The following ARL13B variants were observed in gnomAD, a reference collection of about 807,000 sequenced individuals.
ARL13B encodes the protein ADP-ribosylation factor-like protein 13B.
ARL13B carries 36 observed loss-of-function variants against 56.1 expected under a neutral mutation model. The observed-to-expected ratio is 0.64, with a 90% CI of 0.49 to 0.85. The LOEUF is 0.85. ARL13B is among the 40% of genes least tolerant of loss of function. ARL13B has a pLI of 0.00. For synonymous variants in ARL13B, 178 were observed against 171.1 expected (o/e 1.04, Z -0.32); for missense variants, 519 against 507.1 (o/e 1.02, Z -0.23).
chr3:94,034,766 T>G (rs1393095082), intron 3 of ARL13B, among the ~76,000 whole-genome samples: 1 of 152,214 alleles, frequency 6.6e-6, no homozygotes, highest in Non-Finnish European at 1.5e-5. Context: ...TTCTGTTTTG[T>G]TGGCATATTG....
At position 94,043,049 on chromosome 3, in the gene ARL13B, A is replaced by G. The variant is rs1576040946; in HGVS notation, c.833A>G (p.Gln278Arg). Residue 278 changes from glutamine to arginine, a missense_variant, in exon 7 of 10, where the codon CAA (glutamine) becomes CGA (arginine). By Grantham distance (43) the Gln-to-Arg change is conservative. Transcript: ENST00000394222. ...AAACTTGAAAGAGAGAAAAAAAACC[A>G]AAAAATGGAGAAAGACAGTGATGGC... ...EGKLEREKKN[Q>R]KMEKDSDGCH... The G allele has an allele frequency of 2.5e-6, 4 of 1,611,126 alleles. No homozygotes were observed. In the Admixed American group the frequency reaches 6.7e-5, roughly 27 times the overall value.
chr3:94,045,784 T>C (rs2107175159), intron 7 of ARL13B, among the ~76,000 whole-genome samples: 1 of 151,316 alleles, frequency 6.6e-6, no homozygotes, highest in East Asian at 2.0e-4. Context: ...ACCCCGTCTC[T>C]ACTAAAAATC....
intron 2 of ARL13B, among the ~76,000 whole-genome samples, chr3:94,001,055 T>C (rs2076047954): frequency 6.6e-6 from 1 of 152,166 alleles, no homozygotes; most frequent in African/African-American, 2.4e-5. Flanking sequence ...TACAAAGACA[T>C]AGTCCCATGT....
chr3:94,025,065 T>G (rs1329466670), intron 3 of ARL13B, among the ~76,000 whole-genome samples: 1 of 152,202 alleles, frequency 6.6e-6, no homozygotes, highest in East Asian at 1.9e-4. Context: ...TTACTGCCAC[T>G]GATTTTGGAA....
chr3:94,036,669 C>G lies in ARL13B; in HGVS notation c.604C>G (p.Gln202Glu). The G allele has an allele frequency of 1.2e-6, 2 of 1,613,656 alleles. No individual in the cohort carries two copies. Among genetic ancestry groups the G allele is most frequent in the Non-Finnish European group, 1.7e-6 (2 of 1,179,922 alleles). ...RDFDALNERIQKETTEQRALE... is the reference protein window; with the variant it reads ...RDFDALNERIEKETTEQRALE... The stretch of plus-strand genomic sequence containing the variant: ...CTTTGATGCCTTAAATGAACGCATC[C>G]AAAAAGAGACAACAGAGCAGCGTGC... Residue 202 changes from glutamine (Q) to glutamate (E), a missense_variant, in exon 5 of 10, where the codon CAA becomes GAA. Gln to Glu is a conservative substitution (Grantham distance 29, BLOSUM62 2). Transcript: ENST00000394222.
Position 94,039,922 on chromosome 3 carries a change from T to C in ARL13B, c.732T>C (p.Ser244=). ...AGCAGGCTGAACTCGATGGAACCAG[T>C]GGTCTGGCTGAGTTGGACCCAGAAC... ...EQEQAELDGT[S]GLAELDPEPT... The change falls in exon 6 of 10, where the codon AGT becomes AGC. Residue 244 remains serine (S), a synonymous_variant. Transcript: ENST00000394222. The C allele has an allele frequency of 6.2e-7, 1 of 1,614,116 alleles. No individual in the cohort carries two copies. The highest frequency in any genetic ancestry group is 8.5e-7 in the Non-Finnish European group (1 of 1,180,008).
At chr3:94,050,740 T>C in intron 8 of ARL13B, 84 bp from the exon 9 acceptor site, 1 of 1,153,684 alleles carries the variant, frequency 8.7e-7, no homozygotes, top group Non-Finnish European at 1.3e-6. Context: ...TTACATATGC[T>C]TCCTTTCCAG....
At chr3:94,034,673 T>A (rs550828769) in intron 3 of ARL13B, among the ~76,000 whole-genome samples, 2 of 152,096 alleles carry the variant, frequency 1.3e-5, no homozygotes, top group Non-Finnish European at 2.9e-5. Flanking sequence ...AACATTACAG[T>A]TTGTATTTTA....
chr3:93,997,482 G>A (rs543121175), intron 2 of ARL13B, among the ~76,000 whole-genome samples: 114 of 152,248 alleles, frequency 7.5e-4, no homozygotes, highest in African/African-American at 2.7e-3. Flanking sequence ...TAAATTATCT[G>A]TTATTGTCTA....
chr3:94,006,717 T>C (rs2076141783), intron 3 of ARL13B, among the ~76,000 whole-genome samples: 1 of 152,230 alleles, frequency 6.6e-6, no homozygotes, highest in South Asian at 2.1e-4. Context: ...CTTTTAAAAA[T>C]ACAATTTTGA....
chr3:93,981,865 CAAAAAAAAAAAAAA>C (rs11396818), intron 1 of ARL13B, among the ~76,000 whole-genome samples: 1 of 68,390 alleles, frequency 1.5e-5, no homozygotes, highest in African/African-American at 5.2e-5. Context: ...AACCCTGTCT[CAAAAAAAAAAAAAA>C]AAAAAAAAAA....
intron 6 of ARL13B, among the ~76,000 whole-genome samples, chr3:94,042,688 G>A (rs1458397045): frequency 6.6e-6 from 1 of 152,112 alleles, no homozygotes. Flanking sequence ...ATATAGGTAT[G>A]TATGTGTGGG....
intron 1 of ARL13B, among the ~76,000 whole-genome samples, chr3:93,982,706 T>G (rs528698151): frequency 6.6e-6 from 1 of 152,344 alleles, no homozygotes; most frequent in South Asian, 2.1e-4. Flanking sequence ...TTTGGATAAC[T>G]GTCAAAGAAT....
chr3:94,000,640 T>G (rs1365656064), intron 2 of ARL13B, among the ~76,000 whole-genome samples: 1 of 152,010 alleles, frequency 6.6e-6, no homozygotes. Flanking sequence ...TGTGTGTGTA[T>G]ATGTATATAT....
At chr3:94,051,136 G>A (rs1490937036) in intron 9 of ARL13B, among the ~76,000 whole-genome samples, 1 of 151,920 alleles carries the variant, frequency 6.6e-6, no homozygotes, top group African/African-American at 2.4e-5. Flanking sequence ...CATAGCTTGT[G>A]TTTATTATCC....
In ARL13B at chr3:94,035,456, TTTAA is replaced by T; in HGVS notation, c.486+23_486+26del. ...CAGATAGTAAGGTTTTTTTTTTTTT[TTTAA>T]TTTTAATTTTTTGTCCTTTCAAATA... On this transcript the variant is annotated intron_variant, in intron 4 of 9. Coordinates refer to ENST00000394222, the MANE Select transcript of ARL13B (RefSeq NM_001174150.2). 2.2e-5 allele frequency: 33 copies of T among 1,501,814 alleles called. No homozygotes were observed. The highest frequency in any genetic ancestry group is 2.8e-5 in the Non-Finnish European group (31 of 1,100,120). 93.0% of individuals were successfully genotyped at this position (1,501,814 alleles called of 1,614,324 possible).
chr3:94,050,484 C>G (rs1314127420), intron 8 of ARL13B, among the ~76,000 whole-genome samples: 3 of 152,072 alleles, frequency 2.0e-5, no homozygotes, highest in Non-Finnish European at 4.4e-5. Context: ...TTTTAAGAAT[C>G]TCTTATAGAC....
intron 3 of ARL13B, among the ~76,000 whole-genome samples, chr3:94,034,641 G>T (rs1171319655): frequency 6.6e-6 from 1 of 151,904 alleles, no homozygotes; most frequent in African/African-American, 2.4e-5. Context: ...TAAAAGTTCA[G>T]AATGAATATT....
intron 7 of ARL13B, among the ~76,000 whole-genome samples, chr3:94,047,576 T>A (rs1279140866): frequency 6.6e-6 from 1 of 152,228 alleles, no homozygotes; most frequent in Non-Finnish European, 1.5e-5. Flanking sequence ...TTTTGTTATT[T>A]AACATAGCAA....
Sources: gnomAD v4.1 joint callset for allele counts (sites outside exome capture counted in the v4.1 genomes callset) on GRCh38, gnomAD v4.1.1 for gene constraint, MANE v1.5 for transcripts, NCBI Gene and HGNC (gene_info 2026-07-23, HGNC 2026-07-21) for gene names.